DNAH10: variants seen among roughly 807,000 people sequenced by gnomAD.
DNAH10 encodes the protein axonemal beta dynein heavy chain 10.
In DNAH10, 348 loss-of-function variants were observed where a neutral mutation model predicts 506.6. The ratio of observed to expected loss-of-function variants is 0.69; its 90% CI spans 0.63 to 0.75. The LOEUF (loss-of-function observed/expected upper bound fraction) is 0.75, where lower values mean the gene tolerates loss of function less well. DNAH10 is among the 30% of genes least tolerant of loss of function. The probability of loss-of-function intolerance (pLI) is 0.00; values close to 1 mark genes in which losing one functional copy is unlikely to be tolerated. For missense variants in DNAH10, 5,179 were observed against 5,787.1 expected (o/e 0.89, Z 3.41); for synonymous variants, 2,059 against 2,198.6 (o/e 0.94, Z 1.78).
chr12:123,818,487 C>A (rs1959183259), intron 21 of DNAH10, among the ~76,000 whole-genome samples: 1 of 151,872 alleles, frequency 6.6e-6, no homozygotes, highest in South Asian at 2.1e-4. Flanking sequence ...CCACGCCTGG[C>A]TAATTTTTGT....
At position 123,884,040 on chromosome 12, in the gene DNAH10, T is replaced by G. The variant is rs916603971; in HGVS notation, c.8823+2227T>G. 4.7e-4 allele frequency among the ~76,000 whole-genome samples: 71 copies of G among 152,272 alleles called. 1 individual carries two copies. Among genetic ancestry groups the G allele is most frequent in the Non-Finnish European group, 2.9e-5 (2 of 68,018 alleles). ...TCCTGGCAAGCAAGAGGTGTTCTTT[T>G]TCTTCGCCCCCGAGATGGAGTTTCG... On this transcript the variant is annotated intron_variant, in intron 51 of 78. Coordinates refer to ENST00000673944, the MANE Select transcript of DNAH10 (RefSeq NM_001372106.1).
rs141689237 is a variant in DNAH10 at position 123,836,450 on chromosome 12, T to G, written c.4902+922T>G. Reference sequence around the variant, plus strand: ...TTAGAGTGAATGTCTTAAGATAGATTGTTAGAAAGCAAATTGCCCGTGAAA... The same window carrying G: ...TTAGAGTGAATGTCTTAAGATAGATGGTTAGAAAGCAAATTGCCCGTGAAA... On this transcript the variant is annotated intron_variant, in intron 28 of 78. Coordinates refer to ENST00000673944, the MANE Select transcript of DNAH10 (RefSeq NM_001372106.1). Among the ~76,000 whole-genome samples the G allele has an allele frequency of 6.2e-4, 95 of 152,324 alleles. 1 individual carries two copies. Among genetic ancestry groups the G allele is most frequent in the African/African-American group, 1.6e-3 (68 of 41,578 alleles).
intron 38 of DNAH10, 94 bp downstream of exon 38, chr12:123,859,362 A>AT: frequency 9.6e-7 from 1 of 1,039,524 alleles, no homozygotes; most frequent in Non-Finnish European, 1.3e-6. Context: ...TTGCTCTCTG[A>AT]TTTCCTGGGA....
chr12:123,842,746 G>C (rs925680785), intron 30 of DNAH10, among the ~76,000 whole-genome samples: 3 of 152,210 alleles, frequency 2.0e-5, no homozygotes, highest in African/African-American at 7.2e-5. Flanking sequence ...ATTTAAAGCA[G>C]TTGCCAATTT....
chr12:123,800,271 T>C lies in DNAH10; in HGVS notation c.2345T>C (p.Ile782Thr). ...TTAGAAAGGGGAGCTGTTTTTGCAA[T>C]CAACTTTTCACCGGCTCTCAGAGAG... The part of the protein sequence containing the change: ...STLERGAVFA[I>T]NFSPALREII... The change falls in exon 15 of 79, where the codon ATC becomes ACC. Residue 782 changes from isoleucine to threonine, a missense_variant. Ile to Thr is a moderately conservative substitution (Grantham distance 89). Transcript: ENST00000673944. The C allele has an allele frequency of 6.2e-7, 1 of 1,614,066 alleles. No homozygotes were observed. The highest frequency in any genetic ancestry group is 8.5e-7 in the Non-Finnish European group (1 of 1,180,008).
chr12:123,901,168 C>T (rs1953501766), intron 56 of DNAH10, among the ~76,000 whole-genome samples: 1 of 152,250 alleles, frequency 6.6e-6, no homozygotes, highest in African/African-American at 2.4e-5. Flanking sequence ...CGCCAGCCCC[C>T]TTTGCAGGCT....
chr12:123,793,646 A>G (rs1469274992), intron 11 of DNAH10, among the ~76,000 whole-genome samples: 8 of 151,962 alleles, frequency 5.3e-5, no homozygotes, highest in African/African-American at 1.9e-4. Context: ...CCCTGCCTTC[A>G]TTACTTTCTT....
intron 51 of DNAH10, among the ~76,000 whole-genome samples, chr12:123,883,653 A>T (rs1268601083): frequency 6.6e-6 from 1 of 152,214 alleles, no homozygotes; most frequent in Non-Finnish European, 1.5e-5. Context: ...TCTTAAGCTG[A>T]AAAGTGTACC....
Position 123,800,366 on chromosome 12 carries a change from C to T in DNAH10, c.2440C>T (p.Leu814Phe). 3 of 1,613,294 alleles carry T rather than the reference C, an allele frequency of 1.9e-6. No individual in the cohort carries two copies. Among genetic ancestry groups the T allele is most frequent in the Non-Finnish European group, 2.5e-6 (3 of 1,179,878 alleles). The change falls in exon 15 of 79, where the codon CTC becomes TTC. Residue 814 changes from leucine to phenylalanine, a missense_variant. Around this residue, in one of 3 missense-constraint regions of DNAH10, gnomAD observed 4,844 missense variants for 5,430.5 expected, o/e 0.89. Transcript: ENST00000673944. Reference sequence around the variant, plus strand: ...CCCTGAATTAGCAAGAAATGTTGCTCTCCAGGAAGACAAATTCCTTAGGTA... The same window carrying T: ...CCCTGAATTAGCAAGAAATGTTGCTTTCCAGGAAGACAAATTCCTTAGGTA... ...TVPELARNVALQEDKFLRYTA... is the reference protein window; with the variant it reads ...TVPELARNVAFQEDKFLRYTA...
chr12:123,801,484 T>C, intron 16 of DNAH10, 52 bp downstream of exon 16: 2 of 1,574,852 alleles, frequency 1.3e-6, no homozygotes, highest in East Asian at 2.3e-5. Flanking sequence ...GCAAAGTAAT[T>C]CTTTTAGGTT....
intron 49 of DNAH10, 84 bp downstream of exon 49, chr12:123,879,441 G>C (rs957581762): frequency 2.7e-6 from 4 of 1,497,218 alleles, no homozygotes; most frequent in Non-Finnish European, 3.6e-6. Context: ...ATTAGGACGC[G>C]AATTGTGGAA....
intron 18 of DNAH10, 136 bp from the exon 19 acceptor site, chr12:123,808,661 G>A: frequency 1.2e-6 from 1 of 817,440 alleles, no homozygotes; most frequent in Non-Finnish European, 2.0e-6. Flanking sequence ...ACTCACCCCA[G>A]CCTGTCTAGG....
At chr12:123,935,208 C>G in intron 78 of DNAH10, 127 bp from the exon 79 acceptor site, 1 of 1,161,222 alleles carries the variant, frequency 8.6e-7, no homozygotes. Flanking sequence ...CAGCCCCAGC[C>G]TTGTGCGTGT....
At position 123,929,493 on chromosome 12, in the gene DNAH10, G is replaced by A; in HGVS notation, c.12516+9G>A. On this transcript the variant is annotated intron_variant, in intron 71 of 78. Coordinates refer to ENST00000673944, the MANE Select transcript of DNAH10 (RefSeq NM_001372106.1). ...ATGAGTCTGACTTCCAGGTGACAGT[G>A]GCTGCTTCTCCTTGGAAATGGCTTC... 1 of 1,611,048 alleles carries A rather than the reference G, an allele frequency of 6.2e-7. No homozygotes were observed. Among genetic ancestry groups the A allele is most frequent in the Non-Finnish European group, 8.5e-7 (1 of 1,178,798 alleles).
At chr12:123,840,619 G>C (rs371624362) in intron 29 of DNAH10, among the ~76,000 whole-genome samples, 2 of 151,940 alleles carry the variant, frequency 1.3e-5, no homozygotes, top group South Asian at 2.1e-4. Flanking sequence ...GAAAAATACA[G>C]TGTTAGGAAT....
In DNAH10 at chr12:123,838,456, A is replaced by C; in HGVS notation, c.4903A>C (p.Ile1635Leu). The change falls in exon 29 of 79, where the codon ATC becomes CTC. Residue 1635 changes from isoleucine (I) to leucine (L), a missense_variant and splice_region_variant. Around this residue, in one of 3 missense-constraint regions of DNAH10, gnomAD observed 4,844 missense variants for 5,430.5 expected, o/e 0.89. Transcript: ENST00000673944. ...FDNIDKVFKR[I>L]MGETLKDPVI... ...ACGGCTGTCCTCTGTTCTGGTCCAG[A>C]TCATGGGTGAGACCTTAAAAGACCC... The C allele has an allele frequency of 6.2e-7, 1 of 1,612,558 alleles. No individual in the cohort carries two copies. The highest frequency in any genetic ancestry group is 8.5e-7 in the Non-Finnish European group (1 of 1,179,188).
Position 123,926,664 on chromosome 12 carries a change from T to C in DNAH10, c.11949T>C (p.Phe3983=). The change falls in exon 69 of 79, where the codon TTT becomes TTC. Residue 3983 remains phenylalanine, a synonymous_variant. Transcript: ENST00000673944. This position sits in a 1 kb window ranked among gnomAD's most constrained non-coding sequence, Gnocchi z 4.1. ...EKYVQPPMIS[F]EAIFEQSTPH... ...ATGTGCAGCCCCCAATGATCAGCTT[T>C]GAAGCTATTTTTGAGCAGAGCACTC... 1 of 1,613,882 alleles carries C rather than the reference T, an allele frequency of 6.2e-7. No homozygotes were observed. Among genetic ancestry groups the C allele is most frequent in the Non-Finnish European group, 8.5e-7 (1 of 1,179,838 alleles).
chr12:123,818,929 T>A, intron 21 of DNAH10, 21 bp from the exon 22 acceptor site: 1 of 1,506,888 alleles, frequency 6.6e-7, no homozygotes, highest in Non-Finnish European at 9.1e-7. Flanking sequence ...GTTTATTCTG[T>A]TTTTTGTTTC....
intron 18 of DNAH10, among the ~76,000 whole-genome samples, chr12:123,805,773 CTTTTTTT>C (rs779610748): frequency 1.7e-4 from 24 of 138,708 alleles, no homozygotes; most frequent in Non-Finnish European, 2.4e-4. Flanking sequence ...CTCTTCTTTT[CTTTTTTT>C]TTTTTTTTTT....
Sources: gnomAD v4.1 joint callset for allele counts (sites outside exome capture counted in the v4.1 genomes callset) on GRCh38, gnomAD v4.1.1 for gene constraint, gnomAD v4.1.1 regional missense constraint, Gnocchi (gnomAD v3.1) non-coding constraint, MANE v1.5 for transcripts, NCBI Gene and HGNC (gene_info 2026-07-23, HGNC 2026-07-21) for gene names.